The following CD300A variants were observed in gnomAD, a reference collection of about 807,000 sequenced individuals.
The protein encoded by CD300A is CMRF35-like molecule 8.
A neutral mutation model predicts 33.6 loss-of-function variants in CD300A; 22 were observed. The ratio of observed to expected loss-of-function variants is 0.66; its 90% CI spans 0.47 to 0.94. The LOEUF (loss-of-function observed/expected upper bound fraction) is 0.94. CD300A is among the 40% of genes least tolerant of loss of function. CD300A has a pLI of 0.00. For synonymous variants in CD300A, 136 were observed against 148.1 expected, an observed-to-expected ratio of 0.92 and a Z score of 0.59; for missense variants, 326 against 360.5, an observed-to-expected ratio of 0.90 and a Z score of 0.77.
chr17:74,476,624 T>C (rs1906478613), intron 3 of CD300A, among the ~76,000 whole-genome samples: 1 of 152,332 alleles, frequency 6.6e-6, no homozygotes, highest in East Asian at 1.9e-4. Flanking sequence ...TGCATCAGCC[T>C]CCTGGTCAAT....
In CD300A at chr17:74,481,320, C is replaced by A. The variant is rs577399695; in HGVS notation, c.660C>A (p.Pro220=). Residue 220 remains proline (P), a synonymous_variant, in exon 5 of 7, where the codon CCC becomes CCA. Coordinates refer to ENST00000360141, the MANE Select transcript of CD300A (RefSeq NM_007261.4). Reference sequence around the variant, plus strand: ...ACCATTCAGAGCTGTCCCAGAACCCCAAGCAGGTAAGGGGGCTTTAGCAGG... The same window carrying A: ...ACCATTCAGAGCTGTCCCAGAACCCAAAGCAGGTAAGGGGGCTTTAGCAGG... ...AGDHSELSQN[P]KQAATQSELH... The A allele has an allele frequency of 2.1e-5, 34 of 1,613,894 alleles. No individual in the cohort carries two copies. Among genetic ancestry groups the A allele is most frequent in the Admixed American group, 3.3e-5 (2 of 60,000 alleles).
At chr17:74,477,291 G>A (rs1906528902) in intron 3 of CD300A, 145 bp from the exon 4 acceptor site, 1 of 552,576 alleles carries the variant, frequency 1.8e-6, no homozygotes, top group Non-Finnish European at 3.2e-6. Flanking sequence ...GTTCAAGGCT[G>A]CAGTGAGCCA....
In CD300A at chr17:74,477,466, G is replaced by A; in HGVS notation, c.564G>A (p.Leu188=). 1 of 1,613,738 alleles carries A rather than the reference G, an allele frequency of 6.2e-7. No individual in the cohort carries two copies. Among genetic ancestry groups the A allele is most frequent in the Non-Finnish European group, 8.5e-7 (1 of 1,179,856 alleles). The change falls in exon 4 of 7, where the codon TTG becomes TTA. Residue 188 remains leucine (L), a synonymous_variant. Coordinates refer to ENST00000360141, the MANE Select transcript of CD300A (RefSeq NM_007261.4). ...QLPLLLSLLA[L]LLLLLVGASL... ...CGCTGCTCCTCTCCCTGCTGGCATT[G>A]TTGCTGCTTCTGTTGGTGGGGGCCT...
chr17:74,475,990 C>A (rs1906438564), intron 3 of CD300A, among the ~76,000 whole-genome samples: 1 of 152,172 alleles, frequency 6.6e-6, no homozygotes, highest in Non-Finnish European at 1.5e-5. Context: ...GTGCCCTCTC[C>A]AGGTGGAATC....
chr17:74,468,142 C>G (rs1221978333), intron 1 of CD300A, among the ~76,000 whole-genome samples: 1 of 151,846 alleles, frequency 6.6e-6, no homozygotes, highest in African/African-American at 2.4e-5. Context: ...TCAAGTGATT[C>G]TCCTGCCTCA....
rs149797027 is a variant in CD300A at position 74,466,740 on chromosome 17, C to T, written c.37C>T (p.Pro13Ser). The change falls in exon 1 of 7, where the codon CCA (proline) becomes TCA (serine). Residue 13 changes from proline (P) to serine (S), a missense_variant. By Grantham distance (74) the Pro-to-Ser change is moderately conservative. Coordinates refer to ENST00000360141, the MANE Select transcript of CD300A (RefSeq NM_007261.4). ...TTGGGCTCTGTTGCTTCTCTGGGTC[C>T]CAGGTGAGAGTTTCCCTTCCCGGGA... is the stretch of plus-strand genomic sequence containing the variant. ...LPWALLLLWV[P>S]GCFALSKCRT... 1.9e-6 allele frequency: 3 copies of T among 1,591,924 alleles called. No homozygotes were observed. Among genetic ancestry groups the T allele is most frequent in the Non-Finnish European group, 1.7e-6 (2 of 1,168,706 alleles).
chr17:74,469,665 A>C (rs1905962358), intron 1 of CD300A, among the ~76,000 whole-genome samples: 1 of 152,130 alleles, frequency 6.6e-6, no homozygotes, highest in South Asian at 2.1e-4. Context: ...TGTCTCCTAA[A>C]AACACAAAAT....
chr17:74,483,126 C>T (rs1203065856), intron 6 of CD300A, among the ~76,000 whole-genome samples: 1 of 152,142 alleles, frequency 6.6e-6, no homozygotes, highest in Non-Finnish European at 1.5e-5. Flanking sequence ...CTTGTTCTAA[C>T]TTGTTGTCTC....
At chr17:74,477,556 GC>G in intron 4 of CD300A, 26 bp downstream of exon 4, 1 of 1,547,060 alleles carries the variant, frequency 6.5e-7, no homozygotes, top group Non-Finnish European at 8.9e-7. Context: ...ACACCCCTCT[GC>G]CCCACCTGGG....
At chr17:74,483,310 A>G (rs1907035957) in intron 6 of CD300A, among the ~76,000 whole-genome samples, 1 of 151,140 alleles carries the variant, frequency 6.6e-6, no homozygotes, top group African/African-American at 2.4e-5. Context: ...AAAGGGATCC[A>G]TGGCTGCTTC....
intron 2 of CD300A, 23 bp downstream of exon 2, chr17:74,473,897 G>A (rs182781874): frequency 6.7e-5 from 107 of 1,599,802 alleles, no homozygotes; most frequent in African/African-American, 5.5e-4. Flanking sequence ...TTCCCTCAGC[G>A]CCTAAATAGG....
At chr17:74,469,213 C>G (rs1427476511) in intron 1 of CD300A, among the ~76,000 whole-genome samples, 1 of 151,612 alleles carries the variant, frequency 6.6e-6, no homozygotes, top group Non-Finnish European at 1.5e-5. Context: ...TAACACTCAT[C>G]ATTTTTGGTC....
At chr17:74,476,691 C>T (rs763827266) in intron 3 of CD300A, among the ~76,000 whole-genome samples, 11 of 152,142 alleles carry the variant, frequency 7.2e-5, no homozygotes, top group East Asian at 1.9e-4. Flanking sequence ...TTATAAGCAA[C>T]GTTTACCATT....
chr17:74,482,728 T>TCCTTCCTTCCCTTCCC (rs1906979069), intron 6 of CD300A, among the ~76,000 whole-genome samples: 1 of 132,716 alleles, frequency 7.5e-6, no homozygotes, highest in African/African-American at 3.6e-5. Flanking sequence ...CTTTCTTTCT[T>TCCTTCCTTCCCTTCCC]TCTTTGGAAT....
rs1907119540 is a variant in CD300A, at chr17:74,484,412, G to A, written c.*286G>A. On this transcript the variant is annotated 3_prime_UTR_variant, in exon 7 of 7. Transcript: ENST00000360141. Reference sequence around the variant, plus strand: ...GCTTCATCCCAGCTCTGTGTGTGGAGGACAAAGCTTCTTCCTGCGTGGCTC... The same window carrying A: ...GCTTCATCCCAGCTCTGTGTGTGGAAGACAAAGCTTCTTCCTGCGTGGCTC... The A allele has an allele frequency of 7.8e-6, 2 of 256,584 alleles. No homozygotes were observed. The highest frequency in any genetic ancestry group is 1.5e-5 in the Non-Finnish European group (2 of 131,206). 15.9% of individuals were successfully genotyped at this position (256,584 alleles called of 1,614,324 possible).
chr17:74,468,336 C>T (rs891501618), intron 1 of CD300A, among the ~76,000 whole-genome samples: 3 of 151,922 alleles, frequency 2.0e-5, no homozygotes, highest in Non-Finnish European at 4.4e-5. Flanking sequence ...GCCTGGCCAA[C>T]ATTTTTATTT....
At chr17:74,481,224 T>G in intron 4 of CD300A, 65 bp from the exon 5 acceptor site, 1 of 1,518,452 alleles carries the variant, frequency 6.6e-7, no homozygotes, top group Non-Finnish European at 9.1e-7. Flanking sequence ...CCAGAAGGCT[T>G]GTAAGGTCCT....
At chr17:74,483,968 C>A in intron 6 of CD300A, 33 bp from the exon 7 acceptor site, 7 of 1,610,744 alleles carry the variant, frequency 4.3e-6, no homozygotes, top group Non-Finnish European at 5.9e-6. Context: ...CTTGCCTCTC[C>A]CAAGTCTTCA....
intron 4 of CD300A, among the ~76,000 whole-genome samples, chr17:74,481,088 C>T (rs1362414543): frequency 6.6e-6 from 1 of 152,194 alleles, no homozygotes; most frequent in Non-Finnish European, 1.5e-5. Context: ...TTCACTCATC[C>T]TGTGCTCGTT....
Sources: gnomAD v4.1 joint callset for allele counts (sites outside exome capture counted in the v4.1 genomes callset) on GRCh38, gnomAD v4.1.1 for gene constraint, MANE v1.5 for transcripts, NCBI Gene and HGNC (gene_info 2026-07-23, HGNC 2026-07-21) for gene names.